MAP4K3: variants seen among roughly 807,000 people sequenced by gnomAD.
The protein encoded by MAP4K3 is mitogen-activated protein kinase kinase kinase kinase 3.
In MAP4K3, 94 loss-of-function variants were observed where a neutral mutation model predicts 143.5. The ratio of observed to expected loss-of-function variants is 0.65; its 90% confidence interval spans 0.55 to 0.78. The LOEUF (loss-of-function observed/expected upper bound fraction) is 0.78, where lower values mean the gene tolerates loss of function less well. MAP4K3 is among the 30% of genes least tolerant of loss of function. The pLI, the probability that MAP4K3 is intolerant of heterozygous loss-of-function variation, is 0.00. For synonymous variants in MAP4K3, 416 were observed against 347.2 expected (o/e 1.20, Z -2.20); for missense variants, 1,077 against 1,068.1 (o/e 1.01, Z -0.12).
At chr2:39,321,973 C>CA (rs1356987271) in intron 12 of MAP4K3, among the ~76,000 whole-genome samples, 1 of 152,238 alleles carries the variant, frequency 6.6e-6, no homozygotes, top group Admixed American at 6.5e-5. Context: ...TAAGGGAACT[C>CA]AGAGGCTGGC....
chr2:39,434,770 A>T (rs1665401332), intron 1 of MAP4K3, among the ~76,000 whole-genome samples: 1 of 152,270 alleles, frequency 6.6e-6, no homozygotes, highest in Non-Finnish European at 1.5e-5. Context: ...AATGGAGTTA[A>T]CAATAGCACC....
At chr2:39,369,205 G>GTTTTTTTTTTTTTGT (rs68013609) in intron 2 of MAP4K3, among the ~76,000 whole-genome samples, 1 of 125,380 alleles carries the variant, frequency 8.0e-6, no homozygotes, top group Non-Finnish European at 1.6e-5. Flanking sequence ...TTTTTTTTTT[G>GTTTTTTTTTTTTTGT]TTTTTTTTGA....
At position 39,391,808 on chromosome 2, in the gene MAP4K3, C is replaced by T. The variant is rs77323376; in HGVS notation, c.97-13685G>A. Among the ~76,000 whole-genome samples the T allele has an allele frequency of 7.1e-3, 1,080 of 152,248 alleles. 11 individuals carry two copies. Among genetic ancestry groups the T allele is most frequent in the African/African-American group, 0.025 (1,031 of 41,538 alleles). ...CCAAGGCAGATCACAACCTACCAAC[C>T]TGGCATTTCTGCACATGGAGTTGGG... On this transcript the variant is annotated intron_variant, in intron 1 of 33. Coordinates refer to ENST00000263881, the MANE Select transcript of MAP4K3 (RefSeq NM_003618.4).
At chr2:39,436,811 AGGCG>A in intron 1 of MAP4K3, 77 bp downstream of exon 1, 1 of 1,221,274 alleles carries the variant, frequency 8.2e-7, no homozygotes, top group East Asian at 2.6e-5. Flanking sequence ...TCCCGAGGAC[AGGCG>A]GCAAGGGCTC....
chr2:39,296,568 A>G (rs567389301), intron 16 of MAP4K3, among the ~76,000 whole-genome samples: 1 of 152,370 alleles, frequency 6.6e-6, no homozygotes, highest in East Asian at 1.9e-4. Flanking sequence ...GAGGTCTAAA[A>G]TGACCACCAA....
intron 2 of MAP4K3, among the ~76,000 whole-genome samples, chr2:39,370,752 G>A (rs537628560): frequency 1.3e-5 from 2 of 152,222 alleles, no homozygotes; most frequent in South Asian, 2.1e-4. Context: ...ATTTAGAAGA[G>A]TTTTTCCTAT....
At chr2:39,386,469 A>G (rs540785185) in intron 1 of MAP4K3, among the ~76,000 whole-genome samples, 1 of 152,288 alleles carries the variant, frequency 6.6e-6, no homozygotes, top group South Asian at 2.1e-4. Context: ...CACATCCAAG[A>G]TCTTTTTGCT....
chr2:39,292,410 G>C (rs370894218), intron 18 of MAP4K3, among the ~76,000 whole-genome samples: 1 of 152,132 alleles, frequency 6.6e-6, no homozygotes, highest in Admixed American at 6.5e-5. Flanking sequence ...GAGAGAGAGA[G>C]ATCACTCTTA....
chr2:39,253,152 G>A (rs1052652279), intron 32 of MAP4K3, among the ~76,000 whole-genome samples: 13 of 152,022 alleles, frequency 8.6e-5, no homozygotes, highest in African/African-American at 3.1e-4. Flanking sequence ...TTTTGGAGGG[G>A]GACGGAGTCT....
At chr2:39,384,923 AC>A (rs1226347051) in intron 1 of MAP4K3, among the ~76,000 whole-genome samples, 1 of 152,202 alleles carries the variant, frequency 6.6e-6, no homozygotes, top group East Asian at 1.9e-4. Context: ...TCCTCCCTAA[AC>A]CCTGGAAACA....
At chr2:39,380,341 T>C (rs1215877286) in intron 1 of MAP4K3, among the ~76,000 whole-genome samples, 9 of 152,146 alleles carry the variant, frequency 5.9e-5, no homozygotes, top group Non-Finnish European at 1.3e-4. Context: ...ACCAGGAATC[T>C]TGGTCTTCTG....
chr2:39,308,683 T>C (rs545547106), intron 14 of MAP4K3, among the ~76,000 whole-genome samples: 11 of 152,170 alleles, frequency 7.2e-5, no homozygotes, highest in East Asian at 1.9e-4. Context: ...ACATCTCAAA[T>C]AGATGCAAAG....
At chr2:39,301,939 G>A (rs947792690) in intron 15 of MAP4K3, among the ~76,000 whole-genome samples, 1 of 151,902 alleles carries the variant, frequency 6.6e-6, no homozygotes, top group Non-Finnish European at 1.5e-5. Flanking sequence ...CAGGAGAATC[G>A]CTTGAACCCG....
chr2:39,306,922 C>A (rs893827622), intron 15 of MAP4K3, among the ~76,000 whole-genome samples: 4 of 152,216 alleles, frequency 2.6e-5, no homozygotes, highest in African/African-American at 9.6e-5. Flanking sequence ...TGCCACCTGG[C>A]AAAATGTTGG....
At chr2:39,393,114 T>G (rs1558684556) in intron 1 of MAP4K3, among the ~76,000 whole-genome samples, 1 of 152,238 alleles carries the variant, frequency 6.6e-6, no homozygotes, top group Non-Finnish European at 1.5e-5. Context: ...ACTGACTGTG[T>G]GTACAGCATC....
chr2:39,429,584 TG>T (rs1458027716), intron 1 of MAP4K3, among the ~76,000 whole-genome samples: 2 of 152,196 alleles, frequency 1.3e-5, no homozygotes, highest in African/African-American at 4.8e-5. Flanking sequence ...ATATCACCAC[TG>T]GGGGAAGGTG....
intron 1 of MAP4K3, among the ~76,000 whole-genome samples, chr2:39,381,022 T>C (rs183536334): frequency 1.8e-3 from 273 of 152,330 alleles, no homozygotes; most frequent in African/African-American, 6.2e-3. Flanking sequence ...TTTCCATCTC[T>C]ATGGATTTGA....
At chr2:39,360,846 A>ACCTCCCACAAAGTC (rs1385268558) in intron 2 of MAP4K3, among the ~76,000 whole-genome samples, 4 of 152,098 alleles carry the variant, frequency 2.6e-5, no homozygotes, top group Non-Finnish European at 5.9e-5. Context: ...TGATGCAATT[A>ACCTCCCACAAAGTC]CCTCCCACAA....
At chr2:39,423,662 C>G (rs1664962865) in intron 1 of MAP4K3, among the ~76,000 whole-genome samples, 1 of 152,162 alleles carries the variant, frequency 6.6e-6, no homozygotes, top group African/African-American at 2.4e-5. Context: ...AGAAGACAGT[C>G]TGAAAAGGCT....
Sources: allele counts gnomAD v4.1 joint callset (sites outside exome capture counted in the v4.1 genomes callset), GRCh38; gene constraint gnomAD v4.1.1; transcripts MANE v1.5; gene names NCBI Gene and HGNC (gene_info 2026-07-23, HGNC 2026-07-21).